GNAQ: variants seen among roughly 807,000 people sequenced by gnomAD.
GNAQ encodes G protein subunit alpha q.
GNAQ carries 8 observed loss-of-function variants against 43.9 expected under a neutral mutation model. The observed-to-expected ratio is 0.18, with a 90% CI of 0.11 to 0.33. GNAQ has a LOEUF of 0.33. Among genes scored for constraint, GNAQ ranks in the 10% least tolerant of loss-of-function variants. The pLI, the probability that GNAQ is intolerant of heterozygous loss-of-function variation, is 1.00. For missense variants in GNAQ, 158 were observed against 450.8 expected, an observed-to-expected ratio of 0.35 and a Z score of 5.88; for synonymous variants, 155 against 170.7, an observed-to-expected ratio of 0.91 and a Z score of 0.71.
chr9:77,736,917 C>T (rs749675801), intron 5 of GNAQ, among the ~76,000 whole-genome samples: 6 of 152,220 alleles, frequency 3.9e-5, no homozygotes, highest in African/African-American at 7.2e-5. Context: ...AAGTCTACTG[C>T]ACAGCACACT....
At chr9:77,849,318 T>G (rs985015587) in intron 2 of GNAQ, among the ~76,000 whole-genome samples, 13 of 151,240 alleles carry the variant, frequency 8.6e-5, no homozygotes, top group African/African-American at 1.5e-4. Context: ...ATAATAAGAG[T>G]TTTTTTTTAT....
intron 2 of GNAQ, among the ~76,000 whole-genome samples, chr9:77,918,451 A>C (rs969065056): frequency 6.6e-6 from 1 of 151,930 alleles, no homozygotes; most frequent in African/African-American, 2.4e-5. Context: ...AATATACACC[A>C]AATTCTTTAG....
intron 1 of GNAQ, among the ~76,000 whole-genome samples, chr9:78,014,344 G>C (rs1823811094): frequency 6.6e-6 from 1 of 152,058 alleles, no homozygotes; most frequent in Non-Finnish European, 1.5e-5. Context: ...AAAACTTTAG[G>C]CCAGGCGTGG....
chr9:77,976,384 TTTTTTG>T (rs372884964), intron 1 of GNAQ, among the ~76,000 whole-genome samples: 1,790 of 150,436 alleles, frequency 0.012, 1 homozygote, highest in Non-Finnish European at 0.017. Context: ...TTTTTGGTTT[TTTTTTG>T]TTTTTGTTTT....
At chr9:77,885,421 T>C (rs576575333) in intron 2 of GNAQ, among the ~76,000 whole-genome samples, 8 of 152,170 alleles carry the variant, frequency 5.3e-5, no homozygotes, top group Non-Finnish European at 1.2e-4. Context: ...CTATTTTCTT[T>C]CTATTTGTTA....
At chr9:77,995,458 A>G (rs1303523165) in intron 1 of GNAQ, among the ~76,000 whole-genome samples, 1 of 152,172 alleles carries the variant, frequency 6.6e-6, no homozygotes, top group Non-Finnish European at 1.5e-5. Flanking sequence ...TAGAATATTA[A>G]GGTGAGAGGG....
At chr9:77,799,514 G>A (rs1246163942) in intron 3 of GNAQ, among the ~76,000 whole-genome samples, 1 of 152,086 alleles carries the variant, frequency 6.6e-6, no homozygotes, top group East Asian at 1.9e-4. Flanking sequence ...TTCCTATGCT[G>A]AGATTTAGTT....
At chr9:77,810,441 T>C (rs1826902347) in intron 3 of GNAQ, among the ~76,000 whole-genome samples, 1 of 152,214 alleles carries the variant, frequency 6.6e-6, no homozygotes. Context: ...GGGATGCTAA[T>C]AACTATGTAC....
At chr9:77,753,844 T>TA (rs34110260) in intron 5 of GNAQ, among the ~76,000 whole-genome samples, 84,512 of 151,958 alleles carry the variant, frequency 0.56, 27,026 homozygotes, top group Non-Finnish European at 0.72. Flanking sequence ...TTGAATTAAT[T>TA]AAAAAGCTCA....
At chr9:77,975,306 C>A (rs1294479812) in intron 1 of GNAQ, among the ~76,000 whole-genome samples, 1 of 152,128 alleles carries the variant, frequency 6.6e-6, no homozygotes. Context: ...CTCACCACAG[C>A]CAACTTTTAC....
intron 1 of GNAQ, among the ~76,000 whole-genome samples, chr9:78,020,388 G>C (rs562130105): frequency 1.3e-5 from 2 of 151,988 alleles, no homozygotes; most frequent in East Asian, 3.9e-4. Flanking sequence ...GGTTTTTCTC[G>C]GGACACAGCT....
intron 2 of GNAQ, among the ~76,000 whole-genome samples, chr9:77,886,540 T>C (rs935251571): frequency 1.3e-5 from 2 of 152,258 alleles, no homozygotes; most frequent in African/African-American, 4.8e-5. Context: ...GAGGATTCTA[T>C]TGGCTTAAAA....
intron 5 of GNAQ, among the ~76,000 whole-genome samples, chr9:77,754,225 T>C (rs889949961): frequency 1.3e-5 from 2 of 152,108 alleles, no homozygotes; most frequent in Admixed American, 1.3e-4. Context: ...CCACAGCACC[T>C]GTACTTAACT....
At chr9:77,795,501 T>C (rs1393623869) in intron 4 of GNAQ, among the ~76,000 whole-genome samples, 1 of 152,208 alleles carries the variant, frequency 6.6e-6, no homozygotes, top group Non-Finnish European at 1.5e-5. Context: ...AATTTGAAAG[T>C]AGGGCTCTTT....
At chr9:77,809,080 G>A (rs929151221) in intron 3 of GNAQ, among the ~76,000 whole-genome samples, 9 of 152,056 alleles carry the variant, frequency 5.9e-5, no homozygotes, top group Non-Finnish European at 1.3e-4. Context: ...AATTCAACAT[G>A]GCACATAATA....
rs1350259147 is a variant in GNAQ at position 77,716,920 on chromosome 9, G to A, written c.*4403C>T. The A allele has an allele frequency of 4.3e-6, 1 of 232,702 alleles. No individual in the cohort carries two copies. Among genetic ancestry groups the A allele is most frequent in the Admixed American group, 5.6e-5 (1 of 17,762 alleles). The allele number at this position is 232,702 out of a possible 1,614,324, so 14.4% of individuals were successfully genotyped here. On this transcript the variant is annotated 3_prime_UTR_variant, in exon 7 of 7. Transcript: ENST00000286548. The stretch of plus-strand genomic sequence containing the variant: ...GCAAGAGTGTTATTGAAAGGGCAGT[G>A]ATCATTGGGAAGACAGCAGGAAATG...
At chr9:77,730,608 T>C (rs898393226) in intron 5 of GNAQ, among the ~76,000 whole-genome samples, 2 of 152,222 alleles carry the variant, frequency 1.3e-5, no homozygotes, top group African/African-American at 2.4e-5. Flanking sequence ...AACAATTGCA[T>C]AGATAATTAA....
At chr9:78,013,136 G>T (rs1417886051) in intron 1 of GNAQ, among the ~76,000 whole-genome samples, 3 of 152,118 alleles carry the variant, frequency 2.0e-5, no homozygotes, top group East Asian at 1.9e-4. Flanking sequence ...AGCAATGAAC[G>T]TGGCAGTGAT....
chr9:77,734,998 C>G (rs1825555695), intron 5 of GNAQ, among the ~76,000 whole-genome samples: 1 of 152,164 alleles, frequency 6.6e-6, no homozygotes, highest in Non-Finnish European at 1.5e-5. Context: ...CCAAGTAGCT[C>G]ACAGGGCCTC....
Sources: allele counts gnomAD v4.1 joint callset (sites outside exome capture counted in the v4.1 genomes callset), GRCh38; gene constraint gnomAD v4.1.1; transcripts MANE v1.5; gene names NCBI Gene and HGNC (gene_info 2026-07-23, HGNC 2026-07-21).